TENT2: variants seen among roughly 807,000 people sequenced by gnomAD.
TENT2 encodes terminal nucleotidyltransferase 2.
A neutral mutation model predicts 72.2 loss-of-function variants in TENT2; 44 were observed. The ratio of observed to expected loss-of-function variants is 0.61; its 90% CI spans 0.48 to 0.78. The LOEUF (loss-of-function observed/expected upper bound fraction) is 0.78. Among genes scored for constraint, TENT2 ranks in the 30% least tolerant of loss-of-function variants. The probability of loss-of-function intolerance (pLI) is 0.00; values close to 1 mark genes in which losing one functional copy is unlikely to be tolerated. For synonymous variants in TENT2, 212 were observed against 192.5 expected (o/e 1.10, Z -0.84); for missense variants, 541 against 569.6 (o/e 0.95, Z 0.51).
chr5:79,614,314 G>A (rs1389474246), intron 1 of TENT2, among the ~76,000 whole-genome samples: 1 of 151,972 alleles, frequency 6.6e-6, no homozygotes, highest in Non-Finnish European at 1.5e-5. Flanking sequence ...TGTTGGCCAG[G>A]CTGGTCTCCA....
At chr5:79,659,461 G>A (rs932586935) in intron 11 of TENT2, among the ~76,000 whole-genome samples, 14 of 146,924 alleles carry the variant, frequency 9.5e-5, no homozygotes, top group Non-Finnish European at 2.1e-4. Context: ...GAACCTGGGA[G>A]GCGGAGGTTG....
chr5:79,642,761 A>T, intron 6 of TENT2, 71 bp from the exon 7 acceptor site: 1 of 1,210,234 alleles, frequency 8.3e-7, no homozygotes, highest in Non-Finnish European at 1.2e-6. Context: ...CTTTTTGTTG[A>T]GATACTTTAG....
chr5:79,630,747 A>T (rs1300924114), intron 4 of TENT2, among the ~76,000 whole-genome samples: 1 of 150,806 alleles, frequency 6.6e-6, no homozygotes, highest in Non-Finnish European at 1.5e-5. Flanking sequence ...AGATGGGAAG[A>T]GGGGCATATT....
At chr5:79,683,232 T>C (rs1312926646) in intron 14 of TENT2, among the ~76,000 whole-genome samples, 4 of 151,818 alleles carry the variant, frequency 2.6e-5, no homozygotes, top group African/African-American at 7.3e-5. Context: ...GGCAGGAGGA[T>C]TGCTTGAGGC....
At chr5:79,672,652 T>C (rs183309937) in intron 12 of TENT2, among the ~76,000 whole-genome samples, 2 of 152,380 alleles carry the variant, frequency 1.3e-5, no homozygotes, top group East Asian at 3.9e-4. Context: ...TTCTTTTGTA[T>C]GGCTCAATAG....
In TENT2 at chr5:79,619,691, AATC is replaced by A. The variant is rs765609037; in HGVS notation, c.48_50del (p.His16del). 4 of 1,613,884 alleles carry A rather than the reference AATC, an allele frequency of 2.5e-6. No individual in the cohort carries two copies. Among genetic ancestry groups the A allele is most frequent in the Non-Finnish European group, 3.4e-6 (4 of 1,179,862 alleles). On this transcript the variant is annotated inframe_deletion, in exon 2 of 15. Coordinates refer to ENST00000453514, the MANE Select transcript of TENT2 (RefSeq NM_001114394.3). ...TTTGGGTCGCCCACCCTTCACTCCA[AATC>A]ATCAACAACATAATAACTTCTTTAC... is the stretch of plus-strand genomic sequence containing the variant.
chr5:79,642,196 T>C (rs562396246), intron 6 of TENT2, among the ~76,000 whole-genome samples: 3 of 152,188 alleles, frequency 2.0e-5, no homozygotes, highest in African/African-American at 7.2e-5. Flanking sequence ...ATTCATATTA[T>C]TCCACTAGCG....
At position 79,685,573 on chromosome 5, in the gene TENT2, A is replaced by G; in HGVS notation, c.*300A>G. 4.5e-6 allele frequency: 1 copy of G among 220,574 alleles called. No individual in the cohort carries two copies. The highest frequency in any genetic ancestry group is 8.8e-6 in the Non-Finnish European group (1 of 113,550). The allele number at this position is 220,574 out of a possible 1,614,324, so 13.7% of individuals were successfully genotyped here. The stretch of plus-strand genomic sequence containing the variant: ...ACTGAACAAATAAAAAGTTTTTGAT[A>G]TAACTTCAATTAATTGTACCACATG... On this transcript the variant is annotated 3_prime_UTR_variant, in exon 15 of 15. Transcript: ENST00000453514.
chr5:79,621,575 A>G (rs188098224), intron 3 of TENT2, among the ~76,000 whole-genome samples: 1 of 151,676 alleles, frequency 6.6e-6, no homozygotes, highest in Non-Finnish European at 1.5e-5. Flanking sequence ...TGGCTAACAC[A>G]GTGAAACCCC....
chr5:79,646,752 CTT>C lies in TENT2; in HGVS notation c.821+1566_821+1567del, dbSNP rs34418187. On this transcript the variant is annotated intron_variant, in intron 8 of 14. Coordinates refer to ENST00000453514, the MANE Select transcript of TENT2 (RefSeq NM_001114394.3). Reference sequence around the variant, plus strand: ...TTTCTATTTAAGATCATCCTGCAAACTTTTTTTGTTCCTAAGCTTTTTTTTTT... The same window carrying C: ...TTTCTATTTAAGATCATCCTGCAAACTTTTTGTTCCTAAGCTTTTTTTTTT... Among the ~76,000 whole-genome samples the C allele has an allele frequency of 3.0e-3, 436 of 147,170 alleles. 5 individuals are homozygous for C. Among genetic ancestry groups the C allele is most frequent in the African/African-American group, 0.011 (417 of 39,656 alleles).
chr5:79,628,780 A>G (rs144840153), intron 4 of TENT2, among the ~76,000 whole-genome samples: 1 of 152,342 alleles, frequency 6.6e-6, no homozygotes, highest in East Asian at 1.9e-4. Flanking sequence ...CACTAATCAT[A>G]TAGGGCTTAT....
chr5:79,676,547 A>T (rs1208351391), intron 12 of TENT2, among the ~76,000 whole-genome samples: 1 of 152,188 alleles, frequency 6.6e-6, no homozygotes. Flanking sequence ...GGATTGCGTC[A>T]CTGCACTCCA....
intron 14 of TENT2, among the ~76,000 whole-genome samples, chr5:79,684,287 AC>A (rs1227086795): frequency 5.3e-5 from 8 of 152,166 alleles, no homozygotes; most frequent in Non-Finnish European, 1.0e-4. Context: ...CTTCATAAAT[AC>A]TATATATTTT....
intron 8 of TENT2, among the ~76,000 whole-genome samples, chr5:79,646,273 A>G (rs1356927150): frequency 6.6e-6 from 1 of 152,172 alleles, no homozygotes; most frequent in Non-Finnish European, 1.5e-5. Context: ...ACTCTTGGCC[A>G]TGAGTCCACT....
rs1163528654 is a variant in TENT2 at position 79,612,983 on chromosome 5, T to G, written c.-130T>G. ...ACTTTGCTTACTCGTTTTCTATTCC[T>G]CGCGTACTGCCTCGTCCACCACTCC... On this transcript the variant is annotated 5_prime_UTR_variant, in exon 1 of 15. Coordinates refer to ENST00000453514, the MANE Select transcript of TENT2 (RefSeq NM_001114394.3). 1 of 152,256 alleles carries G rather than the reference T, an allele frequency of 6.6e-6. No homozygotes were observed. Among genetic ancestry groups the G allele is most frequent in the East Asian group, 1.9e-4 (1 of 5,204 alleles). 9.4% of individuals were successfully genotyped at this position (152,256 alleles called of 1,614,324 possible). A position where few individuals can be genotyped will look rare whatever the true frequency, so the allele number is the denominator to read the frequency against.
rs1323553733 is a variant in TENT2, at chr5:79,659,554, ATG to A, written c.1071+2555_1071+2556del. Among the ~76,000 whole-genome samples, 366 of 47,294 alleles carry A rather than the reference ATG, an allele frequency of 7.7e-3. 21 individuals are homozygous for A. The highest frequency in any genetic ancestry group is 0.025 in the African/African-American group (329 of 13,234). The allele number at this position is 47,294 out of a possible 152,430, so 31.0% of individuals were successfully genotyped here. On this transcript the variant is annotated intron_variant, in intron 11 of 14. Coordinates refer to ENST00000453514, the MANE Select transcript of TENT2 (RefSeq NM_001114394.3). ...CTCAAAAAAAAAAAAAAAAAAAAAA[ATG>A]TATATATATATATATATATATATAT... is the stretch of plus-strand genomic sequence containing the variant.
chr5:79,655,129 GA>G (rs1403480387), intron 10 of TENT2, among the ~76,000 whole-genome samples: 1 of 152,066 alleles, frequency 6.6e-6, no homozygotes, highest in Non-Finnish European at 1.5e-5. Flanking sequence ...TACATTGCTT[GA>G]AGTAAGATAA....
chr5:79,657,219 A>G (rs1468668330), intron 11 of TENT2, among the ~76,000 whole-genome samples: 3 of 152,046 alleles, frequency 2.0e-5, no homozygotes, highest in Non-Finnish European at 2.9e-5. Context: ...CAGTTGTGTT[A>G]ATGGTGGAAT....
rs1305447007 is a variant in TENT2, at chr5:79,649,162, T to C, written c.999T>C (p.Leu333=). The C allele has an allele frequency of 6.2e-7, 1 of 1,613,330 alleles. No individual in the cohort carries two copies. ...GTGGTACTTTAAGCAGCTATAGTCT[T>C]GTATTGATGGTTTTGCACTATTTAC... is the stretch of plus-strand genomic sequence containing the variant. The part of the protein sequence containing the change: ...ASRGTLSSYS[L]VLMVLHYLQT... The change falls in exon 10 of 15, where the codon CTT becomes CTC. Residue 333 remains leucine, a synonymous_variant. Coordinates refer to ENST00000453514, the MANE Select transcript of TENT2 (RefSeq NM_001114394.3).
Sources: allele counts gnomAD v4.1 joint callset (sites outside exome capture counted in the v4.1 genomes callset), GRCh38; gene constraint gnomAD v4.1.1; transcripts MANE v1.5; gene names NCBI Gene and HGNC (gene_info 2026-07-23, HGNC 2026-07-21).